MAST3: variants seen among roughly 807,000 people sequenced by gnomAD.
MAST3 encodes the protein microtubule-associated serine/threonine-protein kinase 3.
MAST3 carries 43 observed loss-of-function variants against 127.0 expected under a neutral mutation model. That is an observed-to-expected ratio of 0.34 (90% CI 0.27 to 0.44). The LOEUF (loss-of-function observed/expected upper bound fraction) is 0.44, where lower values mean the gene tolerates loss of function less well. Ranked by LOEUF, MAST3 falls within the 20% of genes least tolerant of loss-of-function variation. The probability of loss-of-function intolerance (pLI) is 1.00; values close to 1 mark genes in which losing one functional copy is unlikely to be tolerated. For synonymous variants in MAST3, 785 were observed against 809.2 expected (o/e 0.97, Z 0.51); for missense variants, 1,390 against 1,919.1 (o/e 0.72, Z 5.15).
At chr19:18,113,896 C>T (rs1361886151) in intron 3 of MAST3, among the ~76,000 whole-genome samples, 2 of 152,254 alleles carry the variant, frequency 1.3e-5, no homozygotes, top group Non-Finnish European at 2.9e-5. Flanking sequence ...TTGTGCCTGG[C>T]CTTGCAACTT....
Position 18,146,979 on chromosome 19 carries a change from CAGG to C in MAST3, c.3264_3266del (p.Arg1088del). On this transcript the variant is annotated inframe_deletion, in exon 26 of 28. Transcript: ENST00000687212. ...ATGTGGCCAAGGGCCGCATGGCACG[CAGG>C]AGCAAGAGGAGCCGTCGGCGGGAGA... is the stretch of plus-strand genomic sequence containing the variant. The C allele has an allele frequency of 6.4e-7, 1 of 1,567,144 alleles. No individual in the cohort carries two copies. The highest frequency in any genetic ancestry group is 8.6e-7 in the Non-Finnish European group (1 of 1,156,162).
chr19:18,118,017 G>T, intron 3 of MAST3: 1 of 711,792 alleles, frequency 1.4e-6, no homozygotes, highest in Non-Finnish European at 1.7e-6. Context: ...GCGCTCGGGG[G>T]CGCGCGCTTC....
At chr19:18,127,978 G>T (rs560772315) in intron 11 of MAST3, among the ~76,000 whole-genome samples, 139 of 152,320 alleles carry the variant, frequency 9.1e-4, no homozygotes, top group African/African-American at 3.2e-3. Flanking sequence ...ATCACATGTG[G>T]TCTGTGGCTG....
Position 18,124,697 on chromosome 19 carries a change from G to C in MAST3, c.1001G>C (p.Arg334Pro). ...HLLEAAEGHAREGQGIKTDLP... is the reference protein window; with the variant it reads ...HLLEAAEGHAPEGQGIKTDLP... ...CTGGAGGCGGCTGAGGGCCATGCGC[G>C]GGAGGGCCAAGGCATTAAGACTGAC... The change falls in exon 11 of 28, where the codon CGG becomes CCG. Residue 334 changes from arginine to proline, a missense_variant. By Grantham distance (103) the Arg-to-Pro change is moderately radical (BLOSUM62 -2). This residue lies in a region of MAST3 where 277 missense variants were observed against 384.8 expected (regional missense o/e 0.72). Transcript: ENST00000687212. The C allele has an allele frequency of 1.9e-6, 3 of 1,611,932 alleles. No individual in the cohort carries two copies. Among genetic ancestry groups the C allele is most frequent in the Non-Finnish European group, 2.5e-6 (3 of 1,179,194 alleles).
intron 19 of MAST3, among the ~76,000 whole-genome samples, chr19:18,137,986 C>T (rs996203152): frequency 6.6e-6 from 1 of 152,074 alleles, no homozygotes; most frequent in African/African-American, 2.4e-5. Context: ...GGGCAGATCA[C>T]CTGAGGTCAG....
chr19:18,137,214 A>G lies in MAST3; in HGVS notation c.1973-25A>G, dbSNP rs538994927. The G allele has an allele frequency of 1.9e-4, 311 of 1,596,698 alleles. 5 individuals are homozygous for G. The East Asian group carries it at 6.5e-3, about 33-fold the overall frequency. ...TGTGGCGGGTGAGGTGAGGACCTGC[A>G]GGGCTCAGCGGGGCATATCTGCAGG... is the stretch of plus-strand genomic sequence containing the variant. On this transcript the variant is annotated intron_variant, in intron 18 of 27. Transcript: ENST00000687212.
chr19:18,147,069 G>A, intron 26 of MAST3, 25 bp downstream of exon 26: 4 of 1,455,556 alleles, frequency 2.7e-6, no homozygotes, highest in Non-Finnish European at 1.8e-6. Flanking sequence ...GGGCCACGGG[G>A]ACTGGGGTTC....
In MAST3 at chr19:18,131,407, A is replaced by G. The variant is rs1488594693; in HGVS notation, c.1433-502A>G. On this transcript the variant is annotated intron_variant, in intron 14 of 27. Transcript: ENST00000687212. The stretch of plus-strand genomic sequence containing the variant: ...CTCTGTCTCAAAAAAATAAATAAAA[A>G]TTTAAAAAATAGGCCAGGCGCGGTG... Among the ~76,000 whole-genome samples, 2 of 138,226 alleles carry G rather than the reference A, an allele frequency of 1.4e-5. 1 individual carries two copies. The highest frequency in any genetic ancestry group is 3.2e-5 in the Non-Finnish European group (2 of 61,976). The allele number at this position is 138,226 out of a possible 152,430, so 90.7% of individuals were successfully genotyped here. A position where few individuals can be genotyped will look rare whatever the true frequency, so the allele number is the denominator to read the frequency against.
rs376153584 is a variant in MAST3, at chr19:18,130,578, C to T, written c.1308C>T (p.Asn436=). The change falls in exon 14 of 28, where the codon AAC becomes AAT. Residue 436 remains asparagine (N), a synonymous_variant. Transcript: ENST00000687212. ...KINKQNLILR[N]QIQQVFVERD... ...ACAAACAGAACTTGATCCTGCGTAA[C>T]CAGATCCAGCAGGTCTTTGTGGAGC... 1.9e-6 allele frequency: 3 copies of T among 1,613,322 alleles called. No individual in the cohort carries two copies. The highest frequency in any genetic ancestry group is 2.5e-6 in the Non-Finnish European group (3 of 1,179,668).
chr19:18,147,187 T>A (rs2043119596), intron 26 of MAST3, 143 bp downstream of exon 26: 8 of 428,832 alleles, frequency 1.9e-5, no homozygotes, highest in Non-Finnish European at 2.4e-5. Flanking sequence ...CACTGCAACC[T>A]CCACCTCCCG....
chr19:18,114,759 C>A (rs1390368814), intron 3 of MAST3, among the ~76,000 whole-genome samples: 1 of 152,104 alleles, frequency 6.6e-6, no homozygotes, highest in Admixed American at 6.6e-5. Context: ...CGCTCATAGG[C>A]AAAGTGGCTG....
chr19:18,101,525 G>T (rs911594872), intron 1 of MAST3, among the ~76,000 whole-genome samples: 2 of 152,090 alleles, frequency 1.3e-5, no homozygotes, highest in African/African-American at 4.8e-5. Context: ...CTGTTTGCTG[G>T]GCATGGACTG....
At chr19:18,128,606 C>A in intron 12 of MAST3, 148 bp downstream of exon 12, 1 of 870,690 alleles carries the variant, frequency 1.1e-6, no homozygotes, top group African/African-American at 1.7e-5. Flanking sequence ...GCACGTGGGA[C>A]TGCCCTGCCT....
intron 1 of MAST3, among the ~76,000 whole-genome samples, chr19:18,099,215 G>T (rs1260601365): frequency 6.6e-6 from 1 of 151,702 alleles, no homozygotes; most frequent in Non-Finnish European, 1.5e-5. Flanking sequence ...GTCGGGAGTG[G>T]TCAGGGAAGG....
chr19:18,117,523 C>G lies in MAST3; in HGVS notation c.162-4162C>G, dbSNP rs148568033. 2.3e-3 allele frequency among the ~76,000 whole-genome samples: 345 copies of G among 152,218 alleles called. 2 individuals carry two copies. The highest frequency in any genetic ancestry group is 4.2e-3 in the Non-Finnish European group (288 of 68,024). On this transcript the variant is annotated intron_variant, in intron 3 of 27. Coordinates refer to ENST00000687212, the MANE Select transcript of MAST3 (RefSeq NM_001393504.1). The stretch of plus-strand genomic sequence containing the variant: ...GCTGGGACCCTAAGGAGCCCCCAGC[C>G]TGGGGAAGACATAGCCGGACAGACA...
In MAST3 at chr19:18,124,041, C is replaced by A; in HGVS notation, c.736C>A (p.Gln246Lys). 1 of 1,605,856 alleles carries A rather than the reference C, an allele frequency of 6.2e-7. No homozygotes were observed. The highest frequency in any genetic ancestry group is 2.3e-5 in the East Asian group (1 of 44,356). The change falls in exon 9 of 28, where the codon CAG becomes AAG. Residue 246 changes from glutamine (Q) to lysine (K), a missense_variant. Around this residue, in one of 5 missense-constraint regions of MAST3, gnomAD observed 277 missense variants for 384.8 expected, o/e 0.72. Transcript: ENST00000687212. ...ADGVLGFIHH[Q>K]IVELARDCLA... ...TGGCGTCTTGGGCTTCATCCACCAC[C>A]AGATCGTCGAGCTGGCCCGAGACTG... is the stretch of plus-strand genomic sequence containing the variant.
intron 5 of MAST3, 114 bp downstream of exon 5, chr19:18,122,036 C>T (rs2040042782): frequency 6.6e-7 from 1 of 1,503,982 alleles, no homozygotes; most frequent in Non-Finnish European, 8.9e-7. Flanking sequence ...ACCTTTTCCC[C>T]TCCCCTGGCC....
chr19:18,138,235 G>A (rs528827414), intron 19 of MAST3, among the ~76,000 whole-genome samples: 72 of 144,920 alleles, frequency 5.0e-4, no homozygotes, highest in South Asian at 2.9e-3. Context: ...AAAAAGATGC[G>A]CAATTTTACC....
In MAST3 at chr19:18,141,549, T is replaced by A. The variant is rs531474015; in HGVS notation, c.2206-333T>A. The stretch of plus-strand genomic sequence containing the variant: ...CACCACGCCCAGCTAATTTTTGTAT[T>A]TTTAGTAGAGACGGGTTTTCACCAT... On this transcript the variant is annotated intron_variant, in intron 20 of 27. Coordinates refer to ENST00000687212, the MANE Select transcript of MAST3 (RefSeq NM_001393504.1). 1.3e-3 allele frequency among the ~76,000 whole-genome samples: 204 copies of A among 151,896 alleles called. 1 individual carries two copies. Among genetic ancestry groups the A allele is most frequent in the South Asian group, 7.1e-3 (34 of 4,794 alleles).
Sources: gnomAD v4.1 joint callset for allele counts (sites outside exome capture counted in the v4.1 genomes callset) on GRCh38, gnomAD v4.1.1 for gene constraint, gnomAD v4.1.1 regional missense constraint, MANE v1.5 for transcripts, NCBI Gene and HGNC (gene_info 2026-07-23, HGNC 2026-07-21) for gene names.